RPTOR: variants seen among roughly 807,000 people sequenced by gnomAD.
RPTOR encodes regulatory associated protein of MTOR complex 1, also known as regulatory-associated protein of mTOR.
Under a neutral mutation model 169.9 loss-of-function variants are expected in RPTOR, and 21 were observed. The ratio of observed to expected loss-of-function variants is 0.12; its 90% CI spans 0.09 to 0.18. The LOEUF (loss-of-function observed/expected upper bound fraction) is 0.18, where lower values mean the gene tolerates loss of function less well. Ranked by LOEUF, RPTOR falls within the 10% of genes least tolerant of loss-of-function variation. RPTOR has a pLI of 1.00. For missense variants in RPTOR, 1,133 were observed against 1,855.9 expected (o/e 0.61, Z 7.16); for synonymous variants, 732 against 753.2 (o/e 0.97, Z 0.46).
chr17:80,546,832 C>G (rs564544264), intron 1 of RPTOR, among the ~76,000 whole-genome samples: 123 of 152,146 alleles, frequency 8.1e-4, no homozygotes, highest in Non-Finnish European at 1.2e-3. Flanking sequence ...GGCAGGCCTC[C>G]CAAAGGCAGG....
Position 80,662,809 on chromosome 17 carries a change from G to A in RPTOR, c.348+18999G>A, listed in dbSNP as rs368216263. On this transcript the variant is annotated intron_variant, in intron 3 of 33. Coordinates refer to ENST00000306801, the MANE Select transcript of RPTOR (RefSeq NM_020761.3). ...AATCCTAATCTCATGGCCTTTCATAGTCTTACAAAGGTGGTTTCAGTCCCT... is the reference window on the plus strand; with the variant it reads ...AATCCTAATCTCATGGCCTTTCATAATCTTACAAAGGTGGTTTCAGTCCCT... 1.9e-4 allele frequency among the ~76,000 whole-genome samples: 29 copies of A among 152,262 alleles called. 1 individual carries two copies. The highest frequency in any genetic ancestry group is 1.7e-3 in the East Asian group (9 of 5,178).
intron 1 of RPTOR, among the ~76,000 whole-genome samples, chr17:80,566,176 A>C (rs1599554984): frequency 6.6e-6 from 1 of 152,208 alleles, no homozygotes; most frequent in South Asian, 2.1e-4. Context: ...CTCCTCCTGC[A>C]TAGCGCAGCT....
chr17:80,675,593 G>A (rs1169171306), intron 3 of RPTOR, among the ~76,000 whole-genome samples: 1 of 152,220 alleles, frequency 6.6e-6, no homozygotes, highest in Admixed American at 6.5e-5. Context: ...CTTGGGCGTT[G>A]CCTCCTGCCC....
At position 80,842,043 on chromosome 17, in the gene RPTOR, C is replaced by T. The variant is rs538284478; in HGVS notation, c.1212+4046C>T. 6.6e-5 allele frequency among the ~76,000 whole-genome samples: 10 copies of T among 152,308 alleles called. No homozygotes were observed. The South Asian group carries it at 1.9e-3, about 28-fold the overall frequency. ...CACACGGCAGCTCACTCTCACCACA[C>T]GGCAGCTCACACTCACGGCGCTGCA... On this transcript the variant is annotated intron_variant, in intron 10 of 33. Coordinates refer to ENST00000306801, the MANE Select transcript of RPTOR (RefSeq NM_020761.3).
chr17:80,886,841 T>C (rs2068253458), intron 17 of RPTOR, among the ~76,000 whole-genome samples: 1 of 151,796 alleles, frequency 6.6e-6, no homozygotes, highest in Non-Finnish European at 1.5e-5. Flanking sequence ...GGGCAGGGCG[T>C]GTAGAGGGGG....
At chr17:80,961,287 G>A in intron 30 of RPTOR, 107 bp from the exon 31 acceptor site, 1 of 1,063,274 alleles carries the variant, frequency 9.4e-7, no homozygotes, top group Non-Finnish European at 1.3e-6. Flanking sequence ...GCGAGGGCCT[G>A]CGGACCCGCT....
intron 3 of RPTOR, among the ~76,000 whole-genome samples, chr17:80,673,889 GTGT>G (rs2065841230): frequency 6.6e-6 from 1 of 152,240 alleles, no homozygotes; most frequent in South Asian, 2.1e-4. Context: ...GCTGTTGTTT[GTGT>G]TGTTAATTGT....
chr17:80,623,508 A>G (rs1385776395), intron 1 of RPTOR, among the ~76,000 whole-genome samples: 1 of 152,130 alleles, frequency 6.6e-6, no homozygotes, highest in African/African-American at 2.4e-5. Flanking sequence ...TGAGATACCT[A>G]TCACCTTAAA....
intron 13 of RPTOR, among the ~76,000 whole-genome samples, chr17:80,879,423 G>A (rs924153143): frequency 1.3e-5 from 1 of 78,274 alleles, no homozygotes; most frequent in Non-Finnish European, 2.5e-5. Flanking sequence ...CACCTGCCCT[G>A]CCCCTTTCTC....
intron 28 of RPTOR, among the ~76,000 whole-genome samples, chr17:80,956,786 C>T (rs1339268289): frequency 1.3e-5 from 2 of 152,110 alleles, no homozygotes; most frequent in African/African-American, 2.4e-5. Flanking sequence ...GGATGTTGGG[C>T]ATCTTAGATG....
chr17:80,715,183 T>C (rs901266002), intron 4 of RPTOR, among the ~76,000 whole-genome samples: 2 of 152,168 alleles, frequency 1.3e-5, no homozygotes, highest in Non-Finnish European at 2.9e-5. Flanking sequence ...TCAGTAAAAG[T>C]TGACGAATCT....
At chr17:80,800,556 G>C (rs1475114796) in intron 7 of RPTOR, among the ~76,000 whole-genome samples, 1 of 152,168 alleles carries the variant, frequency 6.6e-6, no homozygotes, top group Non-Finnish European at 1.5e-5. Context: ...GTAAATTATA[G>C]TGAACCTTCC....
intron 6 of RPTOR, among the ~76,000 whole-genome samples, chr17:80,778,960 G>A (rs2066914870): frequency 6.6e-6 from 1 of 152,192 alleles, no homozygotes; most frequent in Non-Finnish European, 1.5e-5. Context: ...TCTGTGTGCT[G>A]GCATGGACTG....
chr17:80,864,781 T>C (rs781522354), intron 13 of RPTOR, among the ~76,000 whole-genome samples: 1 of 152,238 alleles, frequency 6.6e-6, no homozygotes, highest in Non-Finnish European at 1.5e-5. Context: ...TAAAAGATAA[T>C]TGTTTTAAGA....
Position 80,858,165 on chromosome 17 carries a change from C to T in RPTOR, c.1509+265C>T. ...TCCCCCCACACCGTCCTGTCCCTGG[C>T]CTTCCCCTGGTGCCCTGCACTCAGT... is the stretch of plus-strand genomic sequence containing the variant. On this transcript the variant is annotated intron_variant, in intron 13 of 33. Transcript: ENST00000306801. The T allele has an allele frequency of 6.1e-6, 3 of 491,960 alleles. No individual in the cohort carries two copies. In the South Asian group the frequency reaches 6.9e-5, roughly 11 times the overall value. 30.5% of individuals were successfully genotyped at this position (491,960 alleles called of 1,614,324 possible).
intron 3 of RPTOR, among the ~76,000 whole-genome samples, chr17:80,700,435 TATGATG>T (rs2066075922): frequency 2.3e-5 from 1 of 43,234 alleles, no homozygotes; most frequent in Admixed American, 2.2e-4. Context: ...TGGTGGTGGT[TATGATG>T]GTGGTGGTGG....
At chr17:80,807,152 A>G (rs2067226566) in intron 7 of RPTOR, among the ~76,000 whole-genome samples, 1 of 152,260 alleles carries the variant, frequency 6.6e-6, no homozygotes, top group African/African-American at 2.4e-5. Context: ...TATATAAGGT[A>G]GATCTCTTTT....
chr17:80,944,543 G>A (rs772282392), intron 25 of RPTOR, among the ~76,000 whole-genome samples: 30 of 152,252 alleles, frequency 2.0e-4, no homozygotes, highest in South Asian at 6.2e-4. Context: ...AGTGGCTGCC[G>A]TCACCCCAAG....
intron 24 of RPTOR, among the ~76,000 whole-genome samples, chr17:80,927,363 T>A (rs1351156722): frequency 6.6e-6 from 1 of 152,236 alleles, no homozygotes; most frequent in Non-Finnish European, 1.5e-5. Context: ...CTGTACATGT[T>A]GGTAATTTCT....
Sources: gnomAD v4.1 joint callset for allele counts (sites outside exome capture counted in the v4.1 genomes callset) on GRCh38, gnomAD v4.1.1 for gene constraint, MANE v1.5 for transcripts, NCBI Gene and HGNC (gene_info 2026-07-23, HGNC 2026-07-21) for gene names.